The following HECW2 variants were observed in gnomAD, a reference collection of about 807,000 sequenced individuals.
HECW2 encodes HECT, C2 and WW domain containing E3 ubiquitin protein ligase 2, also known as E3 ubiquitin-protein ligase HECW2.
In HECW2, 61 loss-of-function variants were observed where a neutral mutation model predicts 175.2. The observed-to-expected ratio is 0.35, with a 90% confidence interval of 0.28 to 0.43. HECW2 has a LOEUF of 0.43. Ranked by LOEUF, HECW2 falls within the 20% of genes least tolerant of loss-of-function variation. The probability of loss-of-function intolerance (pLI) is 1.00; values close to 1 mark genes in which losing one functional copy is unlikely to be tolerated. For missense variants in HECW2, 1,524 were observed against 2,000.5 expected (o/e 0.76, Z 4.54); for synonymous variants, 671 against 731.0 (o/e 0.92, Z 1.32).
At chr2:196,292,900 CA>C in intron 13 of HECW2, 150 bp from the exon 14 acceptor site, 1 of 576,932 alleles carries the variant, frequency 1.7e-6, no homozygotes, top group African/African-American at 1.9e-5. Context: ...ATGGAAACAG[CA>C]GACAGAGCAA....
intron 1 of HECW2, among the ~76,000 whole-genome samples, chr2:196,466,639 G>T (rs1696966130): frequency 6.6e-6 from 1 of 152,182 alleles, no homozygotes; most frequent in Admixed American, 6.5e-5. Context: ...TTCTCCAGAA[G>T]AGTTTAGAGA....
chr2:196,355,955 C>A (rs186794520), intron 2 of HECW2, among the ~76,000 whole-genome samples: 1 of 152,218 alleles, frequency 6.6e-6, no homozygotes, highest in Admixed American at 6.5e-5. Context: ...GGGACTGAAC[C>A]ACAGGGAGAT....
At chr2:196,222,425 AAAGAG>A in intron 23 of HECW2, 85 bp from the exon 24 acceptor site, 1 of 1,339,588 alleles carries the variant, frequency 7.5e-7, no homozygotes, top group Non-Finnish European at 1.0e-6. Flanking sequence ...ACTAAGAATT[AAAGAG>A]AAGAATAAGA....
chr2:196,197,928 T>G lies in HECW2; in HGVS notation c.*3349A>C, dbSNP rs1224983607. The G allele has an allele frequency of 6.6e-6, 1 of 152,248 alleles. No homozygotes were observed. The highest frequency in any genetic ancestry group is 1.5e-5 in the Non-Finnish European group (1 of 68,030). 9.4% of individuals were successfully genotyped at this position (152,248 alleles called of 1,614,324 possible). On this transcript the variant is annotated 3_prime_UTR_variant, in exon 29 of 29. Coordinates refer to ENST00000644978, the MANE Select transcript of HECW2 (RefSeq NM_001348768.2). ...TGAATGCATTTTTACCATTTCTGATTGTTGCACAGGTAAAACAGATTTTCC... is the reference window on the plus strand; with the variant it reads ...TGAATGCATTTTTACCATTTCTGATGGTTGCACAGGTAAAACAGATTTTCC...
At chr2:196,584,993 A>T (rs1690921997) in intron 1 of HECW2, among the ~76,000 whole-genome samples, 4 of 152,214 alleles carry the variant, frequency 2.6e-5, no homozygotes, top group Admixed American at 6.5e-5. Context: ...TTTATGGTCA[A>T]TGTGGACATC....
intron 2 of HECW2, among the ~76,000 whole-genome samples, chr2:196,363,175 A>G (rs1693647442): frequency 1.3e-5 from 2 of 152,148 alleles, no homozygotes; most frequent in African/African-American, 4.8e-5. Flanking sequence ...TTTTAGAACA[A>G]ATCACTATGA....
intron 2 of HECW2, among the ~76,000 whole-genome samples, chr2:196,400,209 T>A (rs940780173): frequency 1.3e-5 from 2 of 152,234 alleles, no homozygotes; most frequent in African/African-American, 4.8e-5. Context: ...CTTTGCAGCC[T>A]TCACTATGGG....
intron 15 of HECW2, among the ~76,000 whole-genome samples, chr2:196,278,133 A>AAAAAAAATATATATATATATATAT: frequency 1.5e-5 from 1 of 66,552 alleles, no homozygotes; most frequent in Non-Finnish European, 3.3e-5. Context: ...ATAATTAAAA[A>AAAAAAAATATATATATATATATAT]ATATATATAT....
intron 1 of HECW2, among the ~76,000 whole-genome samples, chr2:196,551,643 T>A (rs1414940489): frequency 6.6e-6 from 1 of 152,222 alleles, no homozygotes; most frequent in African/African-American, 2.4e-5. Context: ...AGATTTAACA[T>A]CTCTGCAGTT....
chr2:196,266,168 TAAAAA>T (rs56260949), intron 17 of HECW2, among the ~76,000 whole-genome samples: 15 of 135,204 alleles, frequency 1.1e-4, no homozygotes, highest in African/African-American at 3.5e-4. Flanking sequence ...CCATCTCTAT[TAAAAA>T]AAAAAAAAAA....
At chr2:196,348,474 C>A (rs1422110075) in intron 2 of HECW2, among the ~76,000 whole-genome samples, 1 of 151,912 alleles carries the variant, frequency 6.6e-6, no homozygotes, top group African/African-American at 2.4e-5. Context: ...AAGACCCTGT[C>A]TCTACAAAAA....
chr2:196,524,282 C>A (rs1261687044), intron 1 of HECW2, among the ~76,000 whole-genome samples: 1 of 126,712 alleles, frequency 7.9e-6, no homozygotes, highest in Non-Finnish European at 1.6e-5. Flanking sequence ...TTGTAGTATT[C>A]TCTGATGGTA....
chr2:196,490,999 G>C (rs1687166829), intron 1 of HECW2, among the ~76,000 whole-genome samples: 1 of 152,112 alleles, frequency 6.6e-6, no homozygotes, highest in South Asian at 2.1e-4. Context: ...TTTTACTGTG[G>C]TGATGAAAAT....
chr2:196,208,374 T>G (rs1687143891), intron 28 of HECW2, among the ~76,000 whole-genome samples: 1 of 152,208 alleles, frequency 6.6e-6, no homozygotes, highest in Non-Finnish European at 1.5e-5. Context: ...GATTTCAAAT[T>G]CACTAAAAAC....
intron 28 of HECW2, among the ~76,000 whole-genome samples, chr2:196,214,747 C>A (rs952651876): frequency 1.3e-5 from 2 of 152,202 alleles, no homozygotes; most frequent in Non-Finnish European, 2.9e-5. Flanking sequence ...TTTCAGCACC[C>A]TTTTTCTCAT....
rs1694989147 is a variant in HECW2 at position 196,407,213 on chromosome 2, T to TA, written c.292+25918_292+25919insT. The stretch of plus-strand genomic sequence containing the variant: ...TGGCAGATAATACTTTCAAAACTTT[T>TA]TTTTTTTTTTTTAAGACAGGGTCTC... On this transcript the variant is annotated intron_variant, in intron 2 of 28. Transcript: ENST00000644978. 1.1e-4 allele frequency among the ~76,000 whole-genome samples: 16 copies of TA among 151,906 alleles called. No individual in the cohort carries two copies. In the South Asian group the frequency reaches 3.1e-3, roughly 30 times the overall value.
At chr2:196,445,965 G>A (rs1696172304) in intron 1 of HECW2, among the ~76,000 whole-genome samples, 1 of 152,098 alleles carries the variant, frequency 6.6e-6, no homozygotes, top group Non-Finnish European at 1.5e-5. Context: ...TTCTCAATAT[G>A]ACAGCCAGAG....
At chr2:196,223,372 T>C (rs1341437899) in intron 23 of HECW2, among the ~76,000 whole-genome samples, 2 of 152,156 alleles carry the variant, frequency 1.3e-5, no homozygotes, top group African/African-American at 4.8e-5. Flanking sequence ...CAGGAAAAGC[T>C]TTTTGCAGAA....
chr2:196,207,388 A>T (rs1417330597), intron 28 of HECW2, among the ~76,000 whole-genome samples: 1 of 151,162 alleles, frequency 6.6e-6, no homozygotes, highest in Admixed American at 6.5e-5. Context: ...AACTAATGGT[A>T]AAACTTGTTA....
Sources: gnomAD v4.1 joint callset for allele counts (sites outside exome capture counted in the v4.1 genomes callset) on GRCh38, gnomAD v4.1.1 for gene constraint, MANE v1.5 for transcripts, NCBI Gene and HGNC (gene_info 2026-07-23, HGNC 2026-07-21) for gene names.